Variants in MIA3 observed in about 807,000 individuals in gnomAD.
MIA3 encodes transport and Golgi organization protein 1 homolog.
In MIA3, 90 loss-of-function variants were observed where a neutral mutation model predicts 192.4. The observed-to-expected ratio is 0.47, with a 90% CI of 0.39 to 0.56. The LOEUF (loss-of-function observed/expected upper bound fraction) is 0.56. Ranked by LOEUF, MIA3 falls within the 20% of genes least tolerant of loss-of-function variation. The pLI is 0.00. For synonymous variants in MIA3, 740 were observed against 792.8 expected (o/e 0.93, Z 1.12); for missense variants, 2,123 against 2,269.4 (o/e 0.94, Z 1.31).
intron 18 of MIA3, among the ~76,000 whole-genome samples, chr1:222,655,132 G>A (rs1385025341): frequency 6.6e-6 from 1 of 152,204 alleles, no homozygotes; most frequent in Admixed American, 6.5e-5. Flanking sequence ...GGTCAATTAT[G>A]TAATTTCCTT....
rs754309229 is a variant in MIA3, at chr1:222,629,232, T to C, written c.2012T>C (p.Met671Thr). The C allele has an allele frequency of 1.8e-5, 29 of 1,613,850 alleles. No homozygotes were observed. Among genetic ancestry groups the C allele is most frequent in the Non-Finnish European group, 2.5e-5 (29 of 1,180,002 alleles). Reference sequence around the variant, plus strand: ...GTGGCTGCCACAGCCAGTAAGCAAATGAGTGAGAAGATAAGGCTCTCTGAG... The same window carrying C: ...GTGGCTGCCACAGCCAGTAAGCAAACGAGTGAGAAGATAAGGCTCTCTGAG... ...RDVAATASKQ[M>T]SEKIRLSEGE... The change falls in exon 4 of 28, where the codon ATG becomes ACG. Residue 671 changes from methionine (M) to threonine (T), a missense_variant. Transcript: ENST00000344922.
intron 9 of MIA3, 59 bp downstream of exon 9, chr1:222,650,439 C>T: frequency 1.0e-6 from 1 of 968,004 alleles, no homozygotes; most frequent in East Asian, 2.6e-5. Context: ...TATTTGTCAC[C>T]TATCTTATAG....
intron 6 of MIA3, among the ~76,000 whole-genome samples, chr1:222,642,304 A>C (rs1175353849): frequency 6.6e-6 from 1 of 152,174 alleles, no homozygotes; most frequent in Admixed American, 6.5e-5. Context: ...AAAGAAAAAA[A>C]ATCCTAACTT....
intron 7 of MIA3, among the ~76,000 whole-genome samples, chr1:222,646,862 G>A (rs1471922306): frequency 6.6e-6 from 1 of 152,160 alleles, no homozygotes; most frequent in East Asian, 1.9e-4. Context: ...TTCATATAAT[G>A]GGATATTAGG....
At position 222,645,512 on chromosome 1, in the gene MIA3, T is replaced by G. The variant is rs563055877; in HGVS notation, c.3478-42T>G. 25 of 1,541,532 alleles carry G rather than the reference T, an allele frequency of 1.6e-5. No individual in the cohort carries two copies. In the African/African-American group the frequency reaches 2.9e-4, roughly 18 times the overall value. The stretch of plus-strand genomic sequence containing the variant: ...TGTGACTGCTTTATGGTAAGCTTCT[T>G]TAAGGTTTCTCATTATTTCTAACAT... On this transcript the variant is annotated intron_variant, in intron 6 of 27. Transcript: ENST00000344922.
rs1163016499 is a variant in MIA3 at position 222,629,682 on chromosome 1, C to G, written c.2462C>G (p.Ala821Gly). The change falls in exon 4 of 28, where the codon GCA becomes GGA. Residue 821 changes from alanine (A) to glycine (G), a missense_variant. Physicochemically the swap from Ala to Gly is moderately conservative, Grantham distance 60. Transcript: ENST00000344922. ...GAACGCCCTCTGGCAGATAAGAAAG[C>G]ACAGAGACCATTTGAACGAAGTGAC... Reference protein sequence around the residue: ...EKERPLADKKAQRPFERSDFS... With the variant: ...EKERPLADKKGQRPFERSDFS... The G allele has an allele frequency of 4.3e-6, 7 of 1,614,054 alleles. No individual in the cohort carries two copies. Among genetic ancestry groups the G allele is most frequent in the African/African-American group, 2.7e-5 (2 of 74,936 alleles).
intron 26 of MIA3, among the ~76,000 whole-genome samples, chr1:222,663,238 G>T (rs943673376): frequency 6.6e-6 from 1 of 152,186 alleles, no homozygotes; most frequent in Admixed American, 6.5e-5. Flanking sequence ...ATACTTCCAA[G>T]TTCCAGCACA....
At chr1:222,634,810 C>A (rs1317514138) in intron 6 of MIA3, among the ~76,000 whole-genome samples, 2 of 152,056 alleles carry the variant, frequency 1.3e-5, no homozygotes, top group Non-Finnish European at 2.9e-5. Context: ...GGGTTTCAAG[C>A]CAAGATGATT....
At chr1:222,643,603 T>C (rs1313595806) in intron 6 of MIA3, among the ~76,000 whole-genome samples, 1 of 152,180 alleles carries the variant, frequency 6.6e-6, no homozygotes, top group Non-Finnish European at 1.5e-5. Flanking sequence ...CCCGGTTTCT[T>C]CAACTTTTGG....
At chr1:222,662,598 C>G in intron 26 of MIA3, 2 of 799,672 alleles carry the variant, frequency 2.5e-6, no homozygotes, top group East Asian at 5.0e-5. Context: ...TACTTTTATC[C>G]TTGACTTGGG....
chr1:222,661,305 G>A (rs1663997021), intron 24 of MIA3: 1 of 152,338 alleles, frequency 6.6e-6, no homozygotes, highest in Non-Finnish European at 1.5e-5. Context: ...GTGTGCAGCA[G>A]CAGTCATTTC....
chr1:222,635,327 A>T (rs1200363905), intron 6 of MIA3, among the ~76,000 whole-genome samples: 2 of 152,220 alleles, frequency 1.3e-5, no homozygotes, highest in Admixed American at 6.5e-5. Context: ...GCCCTCTTCT[A>T]GGCCTGGGTT....
intron 19 of MIA3, 97 bp downstream of exon 19, chr1:222,658,920 G>T: frequency 2.8e-6 from 2 of 715,162 alleles, no homozygotes; most frequent in Non-Finnish European, 4.7e-6. Context: ...TAGAGGACAT[G>T]AATACATCAA....
Position 222,628,721 on chromosome 1 carries a change from A to G in MIA3, c.1501A>G (p.Ser501Gly). Residue 501 changes from serine (S) to glycine (G), a missense_variant, in exon 4 of 28, where the codon AGC (serine) becomes GGC (glycine). This residue lies in a region of MIA3 where 1,357 missense variants were observed against 1,396.1 expected (regional missense o/e 0.97). Coordinates refer to ENST00000344922, the MANE Select transcript of MIA3 (RefSeq NM_198551.4). Reference protein sequence around the residue: ...EGMTVHSSVHSNNLNSMPAAE... With the variant: ...EGMTVHSSVHGNNLNSMPAAE... Reference sequence around the variant, plus strand: ...CATGACTGTGCACAGTTCTGTTCACAGCAATAACCTCAACTCTATGCCAGC... The same window carrying G: ...CATGACTGTGCACAGTTCTGTTCACGGCAATAACCTCAACTCTATGCCAGC... The G allele has an allele frequency of 6.2e-7, 1 of 1,614,164 alleles. No homozygotes were observed.
Position 222,667,271 on chromosome 1 carries a change from G to T in MIA3, c.*1652G>T, listed in dbSNP as rs1664331390. On this transcript the variant is annotated 3_prime_UTR_variant, in exon 28 of 28. Coordinates refer to ENST00000344922, the MANE Select transcript of MIA3 (RefSeq NM_198551.4). Reference sequence around the variant, plus strand: ...GTCCTCCCGTTTAATATCAAGAATAGAAGAAATTAAGAGGAAAACTCCACA... The same window carrying T: ...GTCCTCCCGTTTAATATCAAGAATATAAGAAATTAAGAGGAAAACTCCACA... 1 of 152,090 alleles carries T rather than the reference G, an allele frequency of 6.6e-6. No individual in the cohort carries two copies. The highest frequency in any genetic ancestry group is 2.4e-5 in the African/African-American group (1 of 41,424). 9.4% of individuals were successfully genotyped at this position (152,090 alleles called of 1,614,324 possible).
chr1:222,659,096 T>G (rs1231734100), intron 19 of MIA3: 3 of 423,176 alleles, frequency 7.1e-6, no homozygotes, highest in Admixed American at 8.3e-5. Context: ...ATTAAAGTGA[T>G]TTTGCCATTT....
intron 6 of MIA3, chr1:222,644,351 G>A: frequency 2.0e-6 from 3 of 1,487,868 alleles, no homozygotes; most frequent in East Asian, 2.5e-5. Flanking sequence ...AGCTGTGGAA[G>A]GCGAAGTTCA....
chr1:222,621,298 T>G lies in MIA3; in HGVS notation c.267+6T>G. The G allele has an allele frequency of 6.2e-7, 1 of 1,602,942 alleles. No homozygotes were observed. The highest frequency in any genetic ancestry group is 8.5e-7 in the Non-Finnish European group (1 of 1,176,714). On this transcript the variant is annotated splice_donor_region_variant and intron_variant, in intron 2 of 27. Transcript: ENST00000344922. ...CTGAAGTTTGGGCTGGAAGTGTAAG[T>G]AAAATATCGACATACTTTATTTGCT...
chr1:222,640,902 G>A (rs550244231), intron 6 of MIA3, among the ~76,000 whole-genome samples: 19 of 152,286 alleles, frequency 1.2e-4, no homozygotes, highest in African/African-American at 4.6e-4. Context: ...CTAAAAAAAT[G>A]TAATGCAGTA....
Sources: allele counts gnomAD v4.1 joint callset (sites outside exome capture counted in the v4.1 genomes callset), GRCh38; gene constraint gnomAD v4.1.1; regional missense constraint gnomAD v4.1.1; transcripts MANE v1.5; gene names NCBI Gene and HGNC (gene_info 2026-07-23, HGNC 2026-07-21).